The following BCAS1 variants were observed in gnomAD, a reference collection of about 807,000 sequenced individuals.
BCAS1 encodes breast carcinoma-amplified sequence 1.
In BCAS1, 46 loss-of-function variants were observed where a neutral mutation model predicts 65.4. That is an observed-to-expected ratio of 0.70 (90% CI 0.55 to 0.90). BCAS1 has a LOEUF of 0.90. Among genes scored for constraint, BCAS1 ranks in the 40% least tolerant of loss-of-function variants. The probability of loss-of-function intolerance (pLI) is 0.00; values close to 1 mark genes in which losing one functional copy is unlikely to be tolerated. For missense variants in BCAS1, 793 were observed against 771.2 expected, an observed-to-expected ratio of 1.03 and a Z score of -0.33; for synonymous variants, 298 against 293.5, an observed-to-expected ratio of 1.02 and a Z score of -0.16.
intron 4 of BCAS1, among the ~76,000 whole-genome samples, chr20:54,024,547 T>C (rs750130191): frequency 7.2e-5 from 11 of 152,282 alleles, no homozygotes; most frequent in Middle Eastern, 3.4e-3. Flanking sequence ...ATTTGGAACT[T>C]GTCAACCCAT....
At chr20:53,955,029 C>T (rs1162883676) in intron 11 of BCAS1, among the ~76,000 whole-genome samples, 4 of 152,280 alleles carry the variant, frequency 2.6e-5, no homozygotes, top group Admixed American at 2.6e-4. Flanking sequence ...CACACTTGAC[C>T]CACCGGATAC....
rs1014370704 is a variant in BCAS1, at chr20:54,050,260, T to C, written c.142+7825A>G. On this transcript the variant is annotated intron_variant, in intron 3 of 12. Coordinates refer to ENST00000688948, the MANE Select transcript of BCAS1 (RefSeq NM_001366298.2). ...GGTCCACCTGGATAATCCAGGATAA[T>C]ATCATCATCTCACATTCCTTAGTCA... Among the ~76,000 whole-genome samples, 5 of 152,302 alleles carry C rather than the reference T, an allele frequency of 3.3e-5. No homozygotes were observed. The East Asian group carries it at 9.6e-4, about 29-fold the overall frequency.
intron 6 of BCAS1, among the ~76,000 whole-genome samples, chr20:53,993,910 T>C (rs1034891379): frequency 6.6e-6 from 1 of 152,198 alleles, no homozygotes; most frequent in African/African-American, 2.4e-5. Context: ...ATCATTGAAA[T>C]AGGGATCGCT....
chr20:54,017,681 C>T (rs2091469066), intron 4 of BCAS1, among the ~76,000 whole-genome samples: 1 of 152,036 alleles, frequency 6.6e-6, no homozygotes, highest in Non-Finnish European at 1.5e-5. Flanking sequence ...TAGGTGTGAG[C>T]CACCACGCCC....
chr20:53,981,660 G>A (rs921065168), intron 8 of BCAS1, among the ~76,000 whole-genome samples: 2 of 151,484 alleles, frequency 1.3e-5, no homozygotes, highest in African/African-American at 2.4e-5. Context: ...AATTTAAACA[G>A]TCAGTAACTG....
At chr20:53,976,842 T>G (rs748470235) in intron 8 of BCAS1, among the ~76,000 whole-genome samples, 1 of 152,240 alleles carries the variant, frequency 6.6e-6, no homozygotes, top group Non-Finnish European at 1.5e-5. Flanking sequence ...GGCACAAAAA[T>G]GTTCCTAAAA....
At chr20:53,983,871 G>C (rs922896872) in intron 8 of BCAS1, among the ~76,000 whole-genome samples, 5 of 152,026 alleles carry the variant, frequency 3.3e-5, no homozygotes, top group Non-Finnish European at 4.4e-5. Context: ...AAGGCTCTCT[G>C]TACCTAGCTC....
At chr20:54,022,788 T>C (rs1294526795) in intron 4 of BCAS1, among the ~76,000 whole-genome samples, 2 of 152,238 alleles carry the variant, frequency 1.3e-5, no homozygotes, top group African/African-American at 4.8e-5. Context: ...GGGGCTATTA[T>C]TGTCATTTAA....
At chr20:54,017,217 G>A (rs1047723984) in intron 4 of BCAS1, among the ~76,000 whole-genome samples, 3 of 152,124 alleles carry the variant, frequency 2.0e-5, no homozygotes, top group Non-Finnish European at 4.4e-5. Context: ...TGCTTGAGGG[G>A]TAAGTGAATT....
At chr20:53,966,657 C>CT (rs1301946465) in intron 10 of BCAS1, among the ~76,000 whole-genome samples, 2 of 152,128 alleles carry the variant, frequency 1.3e-5, no homozygotes, top group South Asian at 2.1e-4. Flanking sequence ...AAGGGCACCT[C>CT]TTTTTTTGTT....
chr20:53,976,687 A>T (rs2090343860), intron 8 of BCAS1, among the ~76,000 whole-genome samples: 1 of 152,222 alleles, frequency 6.6e-6, no homozygotes, highest in Non-Finnish European at 1.5e-5. Flanking sequence ...TTCCCCTGCT[A>T]TGATGACTTC....
At chr20:53,961,983 ATTG>A (rs1434031624) in intron 10 of BCAS1, among the ~76,000 whole-genome samples, 2 of 141,562 alleles carry the variant, frequency 1.4e-5, no homozygotes, top group African/African-American at 5.6e-5. Context: ...GGTAGCTCTC[ATTG>A]TTGTTACTGC....
chr20:54,003,226 CAAAA>C (rs36065746), intron 4 of BCAS1, among the ~76,000 whole-genome samples: 1,581 of 98,588 alleles, frequency 0.016, 10 homozygotes, highest in South Asian at 0.055. Flanking sequence ...GCCAAACAGA[CAAAA>C]AAAAAAAAAA....
In BCAS1 at chr20:54,001,342, C is replaced by T. The variant is rs1253693950; in HGVS notation, c.724-5292G>A. On this transcript the variant is annotated intron_variant, in intron 4 of 12. Transcript: ENST00000688948. Reference sequence around the variant, plus strand: ...TTTAACTTTGAAACAAAGATAATAACAGTCCCTTCCCCAAACAAGCCCCCT... The same window carrying T: ...TTTAACTTTGAAACAAAGATAATAATAGTCCCTTCCCCAAACAAGCCCCCT... 3.3e-5 allele frequency among the ~76,000 whole-genome samples: 5 copies of T among 152,326 alleles called. No individual in the cohort carries two copies. In the East Asian group the frequency reaches 9.6e-4, roughly 29 times the overall value.
At chr20:53,983,721 AC>A (rs1301008460) in intron 8 of BCAS1, among the ~76,000 whole-genome samples, 2 of 152,204 alleles carry the variant, frequency 1.3e-5, no homozygotes, top group African/African-American at 2.4e-5. Context: ...GGCCTCTGGA[AC>A]AGGCAATCTG....
intron 3 of BCAS1, among the ~76,000 whole-genome samples, chr20:54,030,578 T>C (rs949423213): frequency 7.1e-6 from 1 of 141,148 alleles, no homozygotes; most frequent in African/African-American, 2.5e-5. Context: ...TACTGCTCAT[T>C]AATATGTAGT....
intron 5 of BCAS1, among the ~76,000 whole-genome samples, chr20:53,995,275 T>C (rs533419180): frequency 6.6e-6 from 1 of 152,336 alleles, no homozygotes; most frequent in East Asian, 1.9e-4. Context: ...CTTATACATT[T>C]ACCAAGAGTT....
intron 4 of BCAS1, among the ~76,000 whole-genome samples, chr20:54,002,123 C>T (rs1042534076): frequency 2.0e-5 from 3 of 151,954 alleles, no homozygotes; most frequent in African/African-American, 7.3e-5. Flanking sequence ...TATGTGAGGA[C>T]CTTTGACAGA....
At chr20:54,055,256 A>G (rs946067839) in intron 3 of BCAS1, among the ~76,000 whole-genome samples, 1 of 152,220 alleles carries the variant, frequency 6.6e-6, no homozygotes, top group Non-Finnish European at 1.5e-5. Context: ...AAGTTAAAAA[A>G]TAAAACTACT....
Sources: allele counts gnomAD v4.1 joint callset (sites outside exome capture counted in the v4.1 genomes callset), GRCh38; gene constraint gnomAD v4.1.1; transcripts MANE v1.5; gene names NCBI Gene and HGNC (gene_info 2026-07-23, HGNC 2026-07-21).